ZP2: variants seen among roughly 807,000 people sequenced by gnomAD.
The protein encoded by ZP2 is zona pellucida glycoprotein 2.
A neutral mutation model predicts 84.0 loss-of-function variants in ZP2; 51 were observed. The ratio of observed to expected loss-of-function variants is 0.61; its 90% CI spans 0.49 to 0.77. ZP2 has a LOEUF of 0.77. Ranked by LOEUF, ZP2 falls within the 30% of genes least tolerant of loss-of-function variation. ZP2 has a pLI of 0.00. For missense variants in ZP2, 909 were observed against 911.9 expected (o/e 1.00, Z 0.04); for synonymous variants, 375 against 330.9 (o/e 1.13, Z -1.45).
chr16:21,198,210 C>T (rs1303880852), intron 17 of ZP2, among the ~76,000 whole-genome samples: 1 of 150,458 alleles, frequency 6.6e-6, no homozygotes, highest in East Asian at 2.0e-4. Flanking sequence ...GCCTGGCCAA[C>T]ATGGTAAAAC....
At position 21,201,893 on chromosome 16, in the gene ZP2, A is replaced by G. The variant is rs376880629; in HGVS notation, c.1379+39T>C. 1.1e-5 allele frequency: 18 copies of G among 1,612,920 alleles called. No homozygotes were observed. The Admixed American group carries it at 2.7e-4, about 24-fold the overall frequency. ...TCAGGTTAAAAAATTGCTTGAGTTTAAACTAGAGCTTAAGAGTCAAATAGC... is the reference window on the plus strand; with the variant it reads ...TCAGGTTAAAAAATTGCTTGAGTTTGAACTAGAGCTTAAGAGTCAAATAGC... On this transcript the variant is annotated intron_variant, in intron 12 of 18. Coordinates refer to ENST00000574091, the MANE Select transcript of ZP2 (RefSeq NM_001376232.1).
intron 17 of ZP2, 99 bp downstream of exon 17, chr16:21,198,680 A>T: frequency 3.1e-6 from 3 of 954,568 alleles, no homozygotes; most frequent in Non-Finnish European, 3.3e-6. Context: ...TCTATTGTTT[A>T]GACTCACCAC....
At position 21,204,181 on chromosome 16, in the gene ZP2, G is replaced by A. The variant is rs1456483428; in HGVS notation, c.821C>T (p.Thr274Ile). 1 of 1,614,162 alleles carries A rather than the reference G, an allele frequency of 6.2e-7. No individual in the cohort carries two copies. The highest frequency in any genetic ancestry group is 1.7e-5 in the Admixed American group (1 of 60,016). ...DPVTCNATHM[T>I]LTIPEFPGKL... Reference sequence around the variant, plus strand: ...CCCAGGAAACTCTGGTATGGTGAGAGTCATGTGTGTGGCATTGCAGGTCAC... The same window carrying A: ...CCCAGGAAACTCTGGTATGGTGAGAATCATGTGTGTGGCATTGCAGGTCAC... The change falls in exon 9 of 19, where the codon ACT becomes ATT. Residue 274 changes from threonine (T) to isoleucine (I), a missense_variant. Physicochemically the swap from Thr to Ile is moderately conservative, Grantham distance 89 (BLOSUM62 -1). Coordinates refer to ENST00000574091, the MANE Select transcript of ZP2 (RefSeq NM_001376232.1).
Position 21,200,734 on chromosome 16 carries a change from G to A in ZP2, c.1694+635C>T, listed in dbSNP as rs150829968. Among the ~76,000 whole-genome samples, 406 of 152,300 alleles carry A rather than the reference G, an allele frequency of 2.7e-3. 1 individual carries two copies. The highest frequency in any genetic ancestry group is 9.2e-3 in the African/African-American group (383 of 41,566). On this transcript the variant is annotated intron_variant, in intron 14 of 18. Transcript: ENST00000574091. ...AAGCTGGGGTTTCTTCATGAAAGAC[G>A]AAGACTAGTACAACTAGTGGATGTG...
At chr16:21,207,816 A>C (rs1419671314) in intron 4 of ZP2, among the ~76,000 whole-genome samples, 1 of 152,044 alleles carries the variant, frequency 6.6e-6, no homozygotes, top group African/African-American at 2.4e-5. Flanking sequence ...AGATTATGCC[A>C]CTGCATGCCA....
intron 4 of ZP2, among the ~76,000 whole-genome samples, chr16:21,207,678 A>C (rs926388319): frequency 3.0e-5 from 4 of 132,842 alleles, no homozygotes; most frequent in African/African-American, 1.2e-4. Flanking sequence ...ACACACACAC[A>C]CACCACAAAA....
intron 4 of ZP2, among the ~76,000 whole-genome samples, chr16:21,207,900 CA>C (rs1485765435): frequency 6.6e-6 from 1 of 151,720 alleles, no homozygotes; most frequent in African/African-American, 2.4e-5. Flanking sequence ...AAAACCAAAC[CA>C]AAACAAAAAC....
At chr16:21,207,882 T>C (rs925259716) in intron 4 of ZP2, among the ~76,000 whole-genome samples, 2 of 151,894 alleles carry the variant, frequency 1.3e-5, no homozygotes, top group African/African-American at 4.8e-5. Flanking sequence ...AAACCCATTC[T>C]TAGTTTGAAA....
chr16:21,202,984 C>T, intron 10 of ZP2, 141 bp downstream of exon 10: 3 of 1,019,036 alleles, frequency 2.9e-6, no homozygotes, highest in Non-Finnish European at 4.1e-6. Context: ...GTAGCAGCTA[C>T]ACTGTTTCTA....
chr16:21,206,481 T>G (rs1200061201), intron 5 of ZP2, among the ~76,000 whole-genome samples: 3 of 152,230 alleles, frequency 2.0e-5, no homozygotes, highest in African/African-American at 7.2e-5. Context: ...GGTCGTTTTG[T>G]TCACTTATTG....
At chr16:21,212,077 G>A (rs975142644), upstream of ZP2, among the ~76,000 whole-genome samples, 5 of 151,972 alleles carry the variant, frequency 3.3e-5, no homozygotes, top group Admixed American at 6.6e-5. Context: ...ACAGGTGCAC[G>A]CCACCACACC....
In ZP2 at chr16:21,203,854, T is replaced by C. The variant is rs1263306956; in HGVS notation, c.972+176A>G. On this transcript the variant is annotated intron_variant, in intron 9 of 18. Coordinates refer to ENST00000574091, the MANE Select transcript of ZP2 (RefSeq NM_001376232.1). ...GAGGTTTTGTGTTAGAGAATGAACT[T>C]TAGTTACTTGATATTTCACTTATAC... 1.5e-5 allele frequency: 10 copies of C among 658,812 alleles called. No homozygotes were observed. In the Admixed American group the frequency reaches 2.8e-4, roughly 18 times the overall value. 40.8% of individuals were successfully genotyped at this position (658,812 alleles called of 1,614,324 possible).
chr16:21,207,129 C>T lies in ZP2; in HGVS notation c.331-139G>A, dbSNP rs113061177. The T allele has an allele frequency of 5.5e-5, 53 of 957,258 alleles. No homozygotes were observed. In the African/African-American group the frequency reaches 7.6e-4, roughly 14 times the overall value. 59.3% of individuals were successfully genotyped at this position (957,258 alleles called of 1,614,324 possible). A position where few individuals can be genotyped will look rare whatever the true frequency, so the allele number is the denominator to read the frequency against. ...TGCTGGAAGGTACCTCATTCCCGTA[C>T]CAGGAGACTAGCTAGCCCATTGTAA... On this transcript the variant is annotated intron_variant, in intron 4 of 18. Transcript: ENST00000574091.
upstream of ZP2, chr16:21,214,207 A>T (rs893486409): frequency 4.1e-6 from 4 of 983,696 alleles, no homozygotes; most frequent in Non-Finnish European, 4.8e-6. Flanking sequence ...TGCACCAGAG[A>T]TTAATTTTGT....
Position 21,202,004 on chromosome 16 carries a change from A to G in ZP2, c.1307T>C (p.Val436Ala), listed in dbSNP as rs1259499407. Residue 436 changes from valine to alanine, a missense_variant, in exon 12 of 19, where the codon GTC (valine) becomes GCC (alanine). Transcript: ENST00000574091. ...GAGAGCATGTATTTCGTTTTCATAG[A>G]CGACTTTATCATCTTCGAACTTAAA... ...TRYKFEDDKVVYENEIHALWT... is the reference protein window; with the variant it reads ...TRYKFEDDKVAYENEIHALWT... The G allele has an allele frequency of 2.5e-6, 4 of 1,614,086 alleles. No individual in the cohort carries two copies. Among genetic ancestry groups the G allele is most frequent in the Non-Finnish European group, 3.4e-6 (4 of 1,179,970 alleles).
chr16:21,206,001 A>G (rs2093247939), intron 5 of ZP2: 1 of 563,682 alleles, frequency 1.8e-6, no homozygotes, highest in Admixed American at 3.0e-5. Flanking sequence ...GTAAGTTGGG[A>G]CACATTTCTC....
intron 3 of ZP2, 63 bp from the exon 4 acceptor site, chr16:21,209,788 A>G (rs2093266311): frequency 3.4e-6 from 5 of 1,458,356 alleles, no homozygotes; most frequent in Admixed American, 1.7e-5. Flanking sequence ...GTCCAAAGCT[A>G]TAGAGTCAAG....
chr16:21,205,369 A>T (rs780862438), intron 7 of ZP2, 51 bp downstream of exon 7: 2 of 1,585,996 alleles, frequency 1.3e-6, no homozygotes, highest in Non-Finnish European at 1.7e-6. Flanking sequence ...GCTTCAATTT[A>T]GGAATACTGG....
At position 21,204,097 on chromosome 16, in the gene ZP2, T is replaced by C. The variant is rs1364239873; in HGVS notation, c.905A>G (p.Asn302Ser). The change falls in exon 9 of 19, where the codon AAT (asparagine) becomes AGT (serine). Residue 302 changes from asparagine to serine, a missense_variant. Coordinates refer to ENST00000574091, the MANE Select transcript of ZP2 (RefSeq NM_001376232.1). ...ATTTGTTGCTTCTAGATCAATTCCA[T>C]TGTCATGCAGCTGGCTCACATCAAT... ...QNIDVSQLHD[N>S]GIDLEATNGM... is the part of the protein sequence containing the mutation. 8 of 1,614,208 alleles carry C rather than the reference T, an allele frequency of 5.0e-6. No homozygotes were observed. The South Asian group carries it at 6.6e-5, about 13-fold the overall frequency.
Sources: allele counts gnomAD v4.1 joint callset (sites outside exome capture counted in the v4.1 genomes callset), GRCh38; gene constraint gnomAD v4.1.1; transcripts MANE v1.5; gene names NCBI Gene and HGNC (gene_info 2026-07-23, HGNC 2026-07-21).